The following HEATR5B variants were observed in gnomAD, a reference collection of about 807,000 sequenced individuals.
HEATR5B encodes HEAT repeat-containing protein 5B.
HEATR5B carries 156 observed loss-of-function variants against 224.1 expected under a neutral mutation model. The ratio of observed to expected loss-of-function variants is 0.70; its 90% CI spans 0.61 to 0.80. The LOEUF is 0.80. Ranked by LOEUF, HEATR5B falls within the 30% of genes least tolerant of loss-of-function variation. HEATR5B has a pLI of 0.00. For missense variants in HEATR5B, 2,323 were observed against 2,535.5 expected, an observed-to-expected ratio of 0.92 and a Z score of 1.80; for synonymous variants, 1,027 against 893.0, an observed-to-expected ratio of 1.15 and a Z score of -2.68.
intron 24 of HEATR5B, among the ~76,000 whole-genome samples, chr2:37,023,741 G>A (rs553961788): frequency 2.6e-5 from 4 of 152,140 alleles, no homozygotes; most frequent in East Asian, 3.9e-4. Context: ...TCACAGCACC[G>A]CACTTACCTT....
chr2:37,056,305 G>C, intron 16 of HEATR5B, 135 bp downstream of exon 16: 1 of 541,792 alleles, frequency 1.8e-6, no homozygotes, highest in Non-Finnish European at 3.1e-6. Flanking sequence ...ACTTACATTA[G>C]TAAATCTGTA....
At chr2:37,082,107 T>C (rs1672616376) in intron 2 of HEATR5B, among the ~76,000 whole-genome samples, 1 of 130,310 alleles carries the variant, frequency 7.7e-6, no homozygotes, top group Admixed American at 8.6e-5. Flanking sequence ...TTCACTCTTG[T>C]CCCCCGGGCT....
At chr2:37,044,733 T>C (rs1163982405) in intron 18 of HEATR5B, among the ~76,000 whole-genome samples, 5 of 152,236 alleles carry the variant, frequency 3.3e-5, no homozygotes, top group African/African-American at 4.8e-5. Flanking sequence ...TGGCAATATA[T>C]AAGAGTTCTT....
At chr2:36,991,614 C>T (rs72873841) in intron 33 of HEATR5B, among the ~76,000 whole-genome samples, 25,075 of 129,376 alleles carry the variant, frequency 0.19, 2,291 homozygotes, top group African/African-American at 0.24. Flanking sequence ...AAATATAGTA[C>T]GTAATTAGAA....
chr2:37,076,197 G>C (rs981187490), intron 4 of HEATR5B: 3 of 152,258 alleles, frequency 2.0e-5, no homozygotes, highest in Non-Finnish European at 4.4e-5. Context: ...CCACTAAACT[G>C]TAAGTTCTTT....
intron 24 of HEATR5B, among the ~76,000 whole-genome samples, chr2:37,022,674 C>T (rs1233822389): frequency 1.3e-5 from 2 of 152,106 alleles, no homozygotes; most frequent in Non-Finnish European, 2.9e-5. Context: ...CTTAAATCTA[C>T]AAAATAAGAA....
intron 6 of HEATR5B, among the ~76,000 whole-genome samples, chr2:37,071,679 CTTT>C (rs869279842): frequency 7.2e-6 from 1 of 138,722 alleles, no homozygotes; most frequent in Non-Finnish European, 1.6e-5. Context: ...CATTTGGGTT[CTTT>C]TTTTTTTTTT....
At chr2:37,012,531 C>T (rs1286138734) in intron 27 of HEATR5B, among the ~76,000 whole-genome samples, 1 of 152,136 alleles carries the variant, frequency 6.6e-6, no homozygotes, top group Non-Finnish European at 1.5e-5. Context: ...GCTGGGATTA[C>T]AGGCATGCAC....
At chr2:37,059,116 G>A in intron 12 of HEATR5B, 129 bp from the exon 13 acceptor site, 1 of 483,916 alleles carries the variant, frequency 2.1e-6, no homozygotes, top group Non-Finnish European at 3.5e-6. Flanking sequence ...CTGAAACCAT[G>A]TCGAACCAAA....
At chr2:37,030,744 G>C (rs1278321084) in intron 22 of HEATR5B, among the ~76,000 whole-genome samples, 1 of 152,162 alleles carries the variant, frequency 6.6e-6, no homozygotes, top group Non-Finnish European at 1.5e-5. Flanking sequence ...TAAATCACTG[G>C]AGGTTAAAGA....
chr2:37,045,305 T>C (rs1425295975), intron 18 of HEATR5B, among the ~76,000 whole-genome samples: 1 of 152,192 alleles, frequency 6.6e-6, no homozygotes, highest in Non-Finnish European at 1.5e-5. Context: ...TTGTGAATTT[T>C]ATGATGTTGA....
chr2:37,081,338 T>A (rs1488179027), intron 2 of HEATR5B, among the ~76,000 whole-genome samples: 1 of 152,306 alleles, frequency 6.6e-6, no homozygotes, highest in South Asian at 2.1e-4. Context: ...GTCATTTACA[T>A]TAGGTCATGC....
intron 31 of HEATR5B, 97 bp downstream of exon 31, chr2:37,003,445 A>G: frequency 1.1e-6 from 1 of 905,796 alleles, no homozygotes; most frequent in East Asian, 2.8e-5. Flanking sequence ...CTAAAAAATA[A>G]AATAAGAACT....
At chr2:37,056,269 T>C (rs1307952036) in intron 16 of HEATR5B, among the ~76,000 whole-genome samples, 171 bp downstream of exon 16, 3 of 152,094 alleles carry the variant, frequency 2.0e-5, no homozygotes, top group Admixed American at 6.5e-5. Context: ...GCAATTTGCA[T>C]GCAATTTTTT....
At chr2:37,035,882 C>T (rs911533856) in intron 21 of HEATR5B, among the ~76,000 whole-genome samples, 1 of 152,098 alleles carries the variant, frequency 6.6e-6, no homozygotes, top group Non-Finnish European at 1.5e-5. Flanking sequence ...TAATGATATC[C>T]ACTCTTCCCA....
chr2:37,074,088 G>A (rs1380748199), intron 5 of HEATR5B, among the ~76,000 whole-genome samples: 7 of 152,126 alleles, frequency 4.6e-5, no homozygotes, highest in African/African-American at 1.2e-4. Context: ...TTGGGAGGCC[G>A]AGGTGGGCGG....
At chr2:37,040,797 T>A (rs1189974227) in intron 19 of HEATR5B, among the ~76,000 whole-genome samples, 1 of 151,254 alleles carries the variant, frequency 6.6e-6, no homozygotes, top group Non-Finnish European at 1.5e-5. Context: ...CGTTGGGGTA[T>A]CACAGGAAGA....
At chr2:37,058,742 A>C (rs1433584794) in intron 13 of HEATR5B, 146 bp downstream of exon 13, 1 of 664,946 alleles carries the variant, frequency 1.5e-6, no homozygotes, top group East Asian at 2.7e-5. Context: ...TTCAATCCAC[A>C]CCATTGCTGT....
intron 33 of HEATR5B, among the ~76,000 whole-genome samples, chr2:36,991,808 CAT>C (rs1666350332): frequency 6.6e-6 from 1 of 152,104 alleles, no homozygotes; most frequent in Admixed American, 6.6e-5. Context: ...GGATTACAAA[CAT>C]ATATATGTGA....
Sources: gnomAD v4.1 joint callset for allele counts (sites outside exome capture counted in the v4.1 genomes callset) on GRCh38, gnomAD v4.1.1 for gene constraint, MANE v1.5 for transcripts, NCBI Gene and HGNC (gene_info 2026-07-23, HGNC 2026-07-21) for gene names.